The following REV3L variants were observed in gnomAD, a reference collection of about 807,000 sequenced individuals.
The protein encoded by REV3L is DNA polymerase zeta catalytic subunit.
A neutral mutation model predicts 299.4 loss-of-function variants in REV3L; 69 were observed. The observed-to-expected ratio is 0.23, with a 90% CI of 0.19 to 0.28. The LOEUF is 0.28. Ranked by LOEUF, REV3L falls within the 10% of genes least tolerant of loss-of-function variation. The probability of loss-of-function intolerance (pLI) is 1.00; values close to 1 mark genes in which losing one functional copy is unlikely to be tolerated. For missense variants in REV3L, 3,128 were observed against 3,693.8 expected, an observed-to-expected ratio of 0.85 and a Z score of 3.97; for synonymous variants, 1,238 against 1,271.4, an observed-to-expected ratio of 0.97 and a Z score of 0.56.
In REV3L at chr6:111,374,849, C is replaced by T. The variant is rs201851041; in HGVS notation, c.3506G>A (p.Arg1169His). ...TGATTTCTTAATCTGTGCTCTTGCG[C>T]GACTAGTTTTTCCTATACGAGAATT... ...TVNSRIGKTS[R>H]ARAQIKKSKA... The change falls in exon 13 of 32, where the codon CGC (arginine) becomes CAC (histidine). Residue 1169 changes from arginine (R) to histidine (H), a missense_variant. Around this residue, in one of 9 missense-constraint regions of REV3L, gnomAD observed 2,409 missense variants for 2,611.8 expected, o/e 0.92. Transcript: ENST00000368802. 152 of 1,613,660 alleles carry T rather than the reference C, an allele frequency of 9.4e-5. No individual in the cohort carries two copies. The highest frequency in any genetic ancestry group is 3.3e-4 in the Middle Eastern group (2 of 6,084).
At chr6:111,419,861 T>C (rs1785130102) in intron 1 of REV3L, among the ~76,000 whole-genome samples, 1 of 152,222 alleles carries the variant, frequency 6.6e-6, no homozygotes, top group Non-Finnish European at 1.5e-5. Context: ...TTTTTTTTTT[T>C]TGAGATGGAG....
At chr6:111,387,219 G>T (rs570236262) in intron 9 of REV3L, among the ~76,000 whole-genome samples, 5 of 152,126 alleles carry the variant, frequency 3.3e-5, no homozygotes, top group African/African-American at 1.2e-4. Context: ...ATAATATACA[G>T]TATCTAGACA....
At chr6:111,347,049 C>A (rs1192444600) in intron 20 of REV3L, among the ~76,000 whole-genome samples, 1 of 151,996 alleles carries the variant, frequency 6.6e-6, no homozygotes, top group Non-Finnish European at 1.5e-5. Context: ...GTGGGCAGAC[C>A]ACTTGAGGTC....
At position 111,482,969 on chromosome 6, in the gene REV3L, GCGGCGGCGCCCCCTCCCCTTCT is replaced by G. The variant is rs1174174661; in HGVS notation, c.-103_-82del. 1 of 1,412,148 alleles carries G rather than the reference GCGGCGGCGCCCCCTCCCCTTCT, an allele frequency of 7.1e-7. No homozygotes were observed. The highest frequency in any genetic ancestry group is 9.2e-7 in the Non-Finnish European group (1 of 1,085,680). 87.5% of individuals were successfully genotyped at this position (1,412,148 alleles called of 1,614,324 possible). On this transcript the variant is annotated 5_prime_UTR_variant, in exon 1 of 32. Coordinates refer to ENST00000368802, the MANE Select transcript of REV3L (RefSeq NM_001372078.1). ...AGCGGCGGCGGCTCCCTCCGCAGCG[GCGGCGGCGCCCCCTCCCCTTCT>G]CGGCACGGCCCCCTCCCCTCACACA...
intron 1 of REV3L, among the ~76,000 whole-genome samples, chr6:111,450,596 A>C (rs1319355097): frequency 1.3e-5 from 2 of 152,130 alleles, no homozygotes; most frequent in East Asian, 3.9e-4. Context: ...AGTGCTATAT[A>C]CAATTACCAA....
At chr6:111,431,761 G>A (rs1211500953) in intron 1 of REV3L, 2 of 770,862 alleles carry the variant, frequency 2.6e-6, no homozygotes, top group Non-Finnish European at 4.7e-6. Flanking sequence ...GAATGTTGCT[G>A]AATGTGGACC....
rs770906074 is a variant in REV3L at position 111,331,718 on chromosome 6, C to T, written c.7992G>A (p.Arg2664=). Residue 2664 remains arginine, a synonymous_variant, in exon 24 of 32, where the codon AGG becomes AGA. Coordinates refer to ENST00000368802, the MANE Select transcript of REV3L (RefSeq NM_001372078.1). ...RVPPDLLYQV[R]HDITVSPNGV... is the part of the protein sequence containing the mutation. The stretch of plus-strand genomic sequence containing the variant: ...CATTGGGGGACACTGTGATATCATG[C>T]CTAACTTGGTAAAGTAAATCTGGAG... The T allele has an allele frequency of 3.7e-6, 6 of 1,613,268 alleles. No individual in the cohort carries two copies. The highest frequency in any genetic ancestry group is 4.5e-5 in the East Asian group (2 of 44,744).
intron 1 of REV3L, among the ~76,000 whole-genome samples, chr6:111,465,747 A>AAG (rs1554250398): frequency 6.7e-6 from 1 of 149,188 alleles, no homozygotes; most frequent in African/African-American, 2.5e-5. Context: ...ACAAAAACCA[A>AAG]AAAAAAAAAA....
chr6:111,419,299 G>A (rs1035157469), intron 1 of REV3L, among the ~76,000 whole-genome samples: 1 of 152,144 alleles, frequency 6.6e-6, no homozygotes, highest in Non-Finnish European at 1.5e-5. Flanking sequence ...AAGAGAAAAT[G>A]AAAGAAACAG....
chr6:111,340,760 A>G (rs955536432), intron 21 of REV3L, among the ~76,000 whole-genome samples: 11 of 152,096 alleles, frequency 7.2e-5, no homozygotes, highest in Non-Finnish European at 1.3e-4. Context: ...AAGTTGTCTG[A>G]TATTTCCAAG....
chr6:111,469,480 G>C (rs751998735), intron 1 of REV3L, among the ~76,000 whole-genome samples: 1 of 152,206 alleles, frequency 6.6e-6, no homozygotes, highest in African/African-American at 2.4e-5. Context: ...TTGGATAATA[G>C]ATTGTTGTAG....
chr6:111,360,482 T>A (rs1371126957), intron 16 of REV3L, among the ~76,000 whole-genome samples: 1 of 145,346 alleles, frequency 6.9e-6, no homozygotes, highest in Non-Finnish European at 1.5e-5. Flanking sequence ...TTTTTTTTTT[T>A]TTTTTTTTTT....
intron 16 of REV3L, chr6:111,361,642 A>C (rs1047414239): frequency 6.6e-6 from 1 of 151,792 alleles, no homozygotes; most frequent in Admixed American, 6.6e-5. Flanking sequence ...GGCTTGAGAG[A>C]TTTAGTGAGT....
chr6:111,421,539 C>T (rs1582924104), intron 1 of REV3L, among the ~76,000 whole-genome samples: 1 of 152,232 alleles, frequency 6.6e-6, no homozygotes, highest in East Asian at 1.9e-4. Flanking sequence ...GGGATTTGGC[C>T]CATGGATAGT....
chr6:111,363,783 A>G (rs1245990552), intron 16 of REV3L, 70 bp downstream of exon 16: 29 of 1,493,558 alleles, frequency 1.9e-5, no homozygotes, highest in Non-Finnish European at 2.5e-5. Context: ...AAAATTCCAT[A>G]CTTGTTTTAT....
At chr6:111,472,154 T>G in intron 1 of REV3L, 1 of 1,264,360 alleles carries the variant, frequency 7.9e-7, no homozygotes, top group Non-Finnish European at 1.0e-6. Context: ...AAATGAAATT[T>G]AGATTAGTCA....
chr6:111,404,284 G>A (rs1336804580), intron 4 of REV3L, among the ~76,000 whole-genome samples: 2 of 152,176 alleles, frequency 1.3e-5, no homozygotes, highest in Non-Finnish European at 2.9e-5. Context: ...ATGGTTGACT[G>A]AATATTTTAA....
At chr6:111,434,789 C>T (rs1399973193) in intron 1 of REV3L, among the ~76,000 whole-genome samples, 4 of 151,664 alleles carry the variant, frequency 2.6e-5, no homozygotes, top group Non-Finnish European at 5.9e-5. Context: ...AGAATCAATC[C>T]AACCAAAGAA....
chr6:111,310,631 TGA>T (rs1304620305), intron 29 of REV3L: 1 of 155,970 alleles, frequency 6.4e-6, no homozygotes, highest in Non-Finnish European at 1.4e-5. Flanking sequence ...GGCGACAGAG[TGA>T]GACCCTGCCT....
Sources: gnomAD v4.1 joint callset for allele counts (sites outside exome capture counted in the v4.1 genomes callset) on GRCh38, gnomAD v4.1.1 for gene constraint, gnomAD v4.1.1 regional missense constraint, MANE v1.5 for transcripts, NCBI Gene and HGNC (gene_info 2026-07-23, HGNC 2026-07-21) for gene names.